RAD21L1: variants seen among roughly 807,000 people sequenced by gnomAD.
RAD21L1 encodes the protein double-strand-break repair protein rad21-like protein 1.
A neutral mutation model predicts 69.0 loss-of-function variants in RAD21L1; 47 were observed. That is an observed-to-expected ratio of 0.68 (90% CI 0.54 to 0.87). The LOEUF is 0.87. RAD21L1 is among the 40% of genes least tolerant of loss of function. RAD21L1 has a pLI of 0.00. For missense variants in RAD21L1, 583 were observed against 647.6 expected, an observed-to-expected ratio of 0.90 and a Z score of 1.08; for synonymous variants, 177 against 205.8, an observed-to-expected ratio of 0.86 and a Z score of 1.20.
In RAD21L1 at chr20:1,254,931, T is replaced by C. The variant is rs1424932824; in HGVS notation, c.*474T>C. Among the ~76,000 whole-genome samples, 1 of 152,240 alleles carries C rather than the reference T, an allele frequency of 6.6e-6. No individual in the cohort carries two copies. The highest frequency in any genetic ancestry group is 1.9e-4 in the East Asian group (1 of 5,200). ...ATGCATTTTTAAAATGCTGTATGTT[T>C]TTGACAGACATTCAAAGATGTTTCT... On this transcript the variant is annotated 3_prime_UTR_variant, in exon 14 of 14. Coordinates refer to ENST00000683101, the MANE Select transcript of RAD21L1 (RefSeq NM_001384355.1).
intron 11 of RAD21L1, 53 bp downstream of exon 11, chr20:1,244,223 A>G (rs191839326): frequency 6.4e-6 from 8 of 1,254,380 alleles, no homozygotes; most frequent in South Asian, 1.5e-5. Context: ...CAGATACAGT[A>G]AAGGAATGTT....
Position 1,238,045 on chromosome 20 carries a change from G to T in RAD21L1, c.477G>T (p.Gly159=). ...NDLIFQAESF[G]EESEILRRHS... Reference sequence around the variant, plus strand: ...TATTAATGATATATATTTATTTAGGGGAGGAATCTGAAATTCTCAGAAGAC... The same window carrying T: ...TATTAATGATATATATTTATTTAGGTGAGGAATCTGAAATTCTCAGAAGAC... The change falls in exon 6 of 14, where the codon GGG becomes GGT. Residue 159 remains glycine, a splice_region_variant and synonymous_variant. Transcript: ENST00000683101. 1 of 1,475,046 alleles carries T rather than the reference G, an allele frequency of 6.8e-7. No individual in the cohort carries two copies. Among genetic ancestry groups the T allele is most frequent in the Non-Finnish European group, 9.2e-7 (1 of 1,088,748 alleles). 91.4% of individuals were successfully genotyped at this position (1,475,046 alleles called of 1,614,324 possible). A position where few individuals can be genotyped will look rare whatever the true frequency, so the allele number is the denominator to read the frequency against.
intron 13 of RAD21L1, among the ~76,000 whole-genome samples, chr20:1,253,037 G>C (rs1046216391): frequency 1.3e-5 from 2 of 152,068 alleles, no homozygotes; most frequent in African/African-American, 4.8e-5. Context: ...TTCTCTCCCA[G>C]GGGGGAAAAG....
intron 13 of RAD21L1, among the ~76,000 whole-genome samples, chr20:1,251,517 G>A (rs1157064277): frequency 6.6e-6 from 1 of 151,796 alleles, no homozygotes; most frequent in Non-Finnish European, 1.5e-5. Context: ...ATAGAGTCAA[G>A]GTCCCACTGT....
Position 1,228,586 on chromosome 20 carries a change from C to G in RAD21L1, c.133C>G (p.Leu45Val). ...CNLEITIEKILSPKVKIALRT... is the reference protein window; with the variant it reads ...CNLEITIEKIVSPKVKIALRT... ...TCTAGAGATAACCATTGAAAAAATT[C>G]TTTCACCCAAGGTATGTTACTGATT... Residue 45 changes from leucine to valine, a missense_variant, in exon 2 of 14, where the codon CTT becomes GTT. Transcript: ENST00000683101. The G allele has an allele frequency of 6.5e-7, 1 of 1,540,964 alleles. No individual in the cohort carries two copies. Among genetic ancestry groups the G allele is most frequent in the Non-Finnish European group, 8.8e-7 (1 of 1,142,424 alleles).
chr20:1,242,996 T>C, intron 9 of RAD21L1, 101 bp from the exon 10 acceptor site: 1 of 922,412 alleles, frequency 1.1e-6, no homozygotes. Flanking sequence ...CTGTATTGTG[T>C]GTATGAATTA....
At chr20:1,243,990 A>G (rs2087671045) in intron 10 of RAD21L1, 56 bp from the exon 11 acceptor site, 11 of 1,477,166 alleles carry the variant, frequency 7.4e-6, no homozygotes, top group Middle Eastern at 1.7e-4. Context: ...ACCATATCAC[A>G]ATTCAAGTTT....
intron 4 of RAD21L1, 71 bp from the exon 5 acceptor site, chr20:1,234,014 T>A (rs2087446193): frequency 1.4e-6 from 1 of 708,414 alleles, no homozygotes; most frequent in Non-Finnish European, 2.4e-6. Flanking sequence ...TTCTTCACTA[T>A]ATCAATGATA....
chr20:1,242,853 T>C lies in RAD21L1; in HGVS notation c.1083+8T>C, dbSNP rs1326608380. On this transcript the variant is annotated splice_region_variant and intron_variant, in intron 9 of 13. Coordinates refer to ENST00000683101, the MANE Select transcript of RAD21L1 (RefSeq NM_001384355.1). ...CATGCTGAACTGAAAATGGTAACGG[T>C]TCCTACCCTTCTACATGTGAGCAAT... The C allele has an allele frequency of 7.9e-6, 12 of 1,523,210 alleles. No homozygotes were observed. The highest frequency in any genetic ancestry group is 7.4e-5 in the East Asian group (3 of 40,770). 94.4% of individuals were successfully genotyped at this position (1,523,210 alleles called of 1,614,324 possible).
Position 1,255,100 on chromosome 20 carries a change from T to C in RAD21L1, c.*643T>C, listed in dbSNP as rs1365812309. Among the ~76,000 whole-genome samples the C allele has an allele frequency of 6.6e-6, 1 of 152,232 alleles. No individual in the cohort carries two copies. Among genetic ancestry groups the C allele is most frequent in the African/African-American group, 2.4e-5 (1 of 41,462 alleles). ...CATGGTTTTTAATCCAATATTTTAA[T>C]TGAAGAGTTACAAAGCTCATCTTTG... is the stretch of plus-strand genomic sequence containing the variant. On this transcript the variant is annotated 3_prime_UTR_variant, in exon 14 of 14. Coordinates refer to ENST00000683101, the MANE Select transcript of RAD21L1 (RefSeq NM_001384355.1).
In RAD21L1 at chr20:1,242,681, A is replaced by T; in HGVS notation, c.919A>T (p.Ser307Cys). 1 of 1,551,668 alleles carries T rather than the reference A, an allele frequency of 6.4e-7. No homozygotes were observed. Among genetic ancestry groups the T allele is most frequent in the Non-Finnish European group, 8.7e-7 (1 of 1,146,920 alleles). Residue 307 changes from serine to cysteine, a missense_variant, in exon 9 of 14, where the codon AGT becomes TGT. Coordinates refer to ENST00000683101, the MANE Select transcript of RAD21L1 (RefSeq NM_001384355.1). ...GCTCATAGATCCTATCAAGGAGCTC[A>T]GTAGCAAAGTTATACATAAACAGCT... ...RLLIDPIKEL[S>C]SKVIHKQLTS...
chr20:1,228,295 A>C (rs1257991263), intron 1 of RAD21L1, 127 bp from the exon 2 acceptor site: 1 of 483,206 alleles, frequency 2.1e-6, no homozygotes, highest in Non-Finnish European at 3.6e-6. Context: ...CAAGAGAATA[A>C]ATTGTATTGA....
At chr20:1,229,474 C>G (rs907978821) in intron 2 of RAD21L1, among the ~76,000 whole-genome samples, 1 of 152,164 alleles carries the variant, frequency 6.6e-6, no homozygotes, top group African/African-American at 2.4e-5. Flanking sequence ...AAGATTGCGC[C>G]ACTGCACTCC....
At chr20:1,235,256 T>G (rs2122794361) in intron 5 of RAD21L1, among the ~76,000 whole-genome samples, 1 of 152,216 alleles carries the variant, frequency 6.6e-6, no homozygotes, top group South Asian at 2.1e-4. Context: ...ATGGCCTATG[T>G]CTATCTTGGT....
At chr20:1,251,127 C>T (rs144915820) in intron 13 of RAD21L1, among the ~76,000 whole-genome samples, 6 of 152,250 alleles carry the variant, frequency 3.9e-5, no homozygotes, top group East Asian at 3.9e-4. Context: ...TCCATACCAG[C>T]GTGAGCGTTT....
intron 7 of RAD21L1, among the ~76,000 whole-genome samples, chr20:1,239,698 T>C (rs1457422786): frequency 6.6e-6 from 1 of 152,192 alleles, no homozygotes; most frequent in African/African-American, 2.4e-5. Flanking sequence ...TATTAACTAG[T>C]ATGGTTTGAT....
chr20:1,238,416 A>G (rs756502528), intron 6 of RAD21L1, among the ~76,000 whole-genome samples: 28 of 152,128 alleles, frequency 1.8e-4, no homozygotes, highest in Non-Finnish European at 3.7e-4. Flanking sequence ...GTCTGTTTAA[A>G]TATATTTTCT....
chr20:1,238,818 T>TTTA (rs1293325822), intron 6 of RAD21L1, among the ~76,000 whole-genome samples: 39 of 151,938 alleles, frequency 2.6e-4, no homozygotes, highest in Admixed American at 1.4e-3. Context: ...ACATGTTTTA[T>TTTA]TTATTATTAT....
chr20:1,237,655 C>T (rs2087528120), intron 5 of RAD21L1, among the ~76,000 whole-genome samples: 1 of 151,846 alleles, frequency 6.6e-6, no homozygotes. Flanking sequence ...TTTTCCAAAC[C>T]TCCACTATGC....
Sources: gnomAD v4.1 joint callset for allele counts (sites outside exome capture counted in the v4.1 genomes callset) on GRCh38, gnomAD v4.1.1 for gene constraint, MANE v1.5 for transcripts, NCBI Gene and HGNC (gene_info 2026-07-23, HGNC 2026-07-21) for gene names.